RPS6KC1: variants seen among roughly 807,000 people sequenced by gnomAD.
RPS6KC1 encodes inactive ribosomal protein S6 kinase delta-1.
A neutral mutation model predicts 103.8 loss-of-function variants in RPS6KC1; 54 were observed. The ratio of observed to expected loss-of-function variants is 0.52; its 90% CI spans 0.42 to 0.65. The LOEUF is 0.65. Among genes scored for constraint, RPS6KC1 ranks in the 30% least tolerant of loss-of-function variants. RPS6KC1 has a pLI of 0.00. For synonymous variants in RPS6KC1, 439 were observed against 438.7 expected (o/e 1.00, Z -0.01); for missense variants, 1,151 against 1,253.8 (o/e 0.92, Z 1.24).
the RPS6KC1 span, among the ~76,000 whole-genome samples, chr1:213,603,851 C>A: frequency 4.0e-5 from 6 of 151,638 alleles, no homozygotes; most frequent in Non-Finnish European, 8.8e-5. Context: ...CAGAGGGAGA[C>A]TCTGTCTCAA....
intron 6 of RPS6KC1, among the ~76,000 whole-genome samples, chr1:213,139,125 A>G (rs1258047567): frequency 6.6e-6 from 1 of 151,440 alleles, no homozygotes; most frequent in Admixed American, 6.8e-5. Flanking sequence ...GCATGTTTTC[A>G]TATGTTTGTT....
At chr1:213,732,935 A>T in the RPS6KC1 span, among the ~76,000 whole-genome samples, 1 of 152,172 alleles carries the variant, frequency 6.6e-6, no homozygotes, top group Non-Finnish European at 1.5e-5. Flanking sequence ...TTCAGTTGAC[A>T]TATGCCCTTC....
chr1:213,482,810 G>C, the RPS6KC1 span, among the ~76,000 whole-genome samples: 1 of 151,998 alleles, frequency 6.6e-6, no homozygotes, highest in East Asian at 1.9e-4. Flanking sequence ...GCCTCCCAAA[G>C]TGACCTTTGT....
the RPS6KC1 span, among the ~76,000 whole-genome samples, chr1:213,406,796 G>T: frequency 6.6e-6 from 1 of 152,200 alleles, no homozygotes; most frequent in Non-Finnish European, 1.5e-5. Flanking sequence ...TACTGATGGA[G>T]TCCTTGCTAT....
chr1:213,393,081 T>G, the RPS6KC1 span, among the ~76,000 whole-genome samples: 1 of 152,236 alleles, frequency 6.6e-6, no homozygotes, highest in African/African-American at 2.4e-5. Context: ...AAATAAAACA[T>G]TTTTGCTGAA....
At chr1:213,306,672 C>T in the RPS6KC1 span, among the ~76,000 whole-genome samples, 1 of 152,214 alleles carries the variant, frequency 6.6e-6, no homozygotes, top group Admixed American at 6.5e-5. Flanking sequence ...CATGCCACCT[C>T]TACTTGATTG....
chr1:213,769,855 G>A, the RPS6KC1 span, among the ~76,000 whole-genome samples: 36 of 152,214 alleles, frequency 2.4e-4, no homozygotes, highest in African/African-American at 5.3e-4. Context: ...TAAAATAGTC[G>A]TGCCAGCTGA....
chr1:213,606,926 A>T, the RPS6KC1 span, among the ~76,000 whole-genome samples: 2 of 152,234 alleles, frequency 1.3e-5, no homozygotes, highest in African/African-American at 4.8e-5. Context: ...TTTAAAACTC[A>T]GTAAGCAACA....
intron 10 of RPS6KC1, among the ~76,000 whole-genome samples, chr1:213,238,102 T>C (rs574417801): frequency 6.6e-6 from 1 of 152,252 alleles, no homozygotes; most frequent in East Asian, 1.9e-4. Flanking sequence ...ATTAAGACTT[T>C]ACAGTCTCAT....
At chr1:213,202,297 A>G (rs571296272) in intron 8 of RPS6KC1, among the ~76,000 whole-genome samples, 1 of 152,156 alleles carries the variant, frequency 6.6e-6, no homozygotes, top group African/African-American at 2.4e-5. Flanking sequence ...TGAATTTACA[A>G]TATGAATAAT....
At chr1:213,124,941 C>G (rs1194446931) in intron 5 of RPS6KC1, among the ~76,000 whole-genome samples, 1 of 152,088 alleles carries the variant, frequency 6.6e-6, no homozygotes, top group East Asian at 1.9e-4. Context: ...TGCCTTTGTA[C>G]TTGTGTCTAA....
chr1:213,094,423 G>A (rs1005000038), intron 3 of RPS6KC1, among the ~76,000 whole-genome samples: 1 of 150,802 alleles, frequency 6.6e-6, no homozygotes, highest in South Asian at 2.1e-4. Flanking sequence ...GCCTCTCTTG[G>A]TTTCTTTAAT....
At chr1:213,291,691 G>A in the RPS6KC1 span, among the ~76,000 whole-genome samples, 1 of 152,210 alleles carries the variant, frequency 6.6e-6, no homozygotes, top group Non-Finnish European at 1.5e-5. Flanking sequence ...GTGGGAGTCC[G>A]AGTGAGTTGC....
At chr1:213,170,778 A>G (rs986182379) in intron 7 of RPS6KC1, among the ~76,000 whole-genome samples, 15 of 152,178 alleles carry the variant, frequency 9.9e-5, no homozygotes, top group African/African-American at 3.6e-4. Context: ...TTTCTCATGT[A>G]TAATTTAAGT....
chr1:213,416,263 A>G, the RPS6KC1 span, among the ~76,000 whole-genome samples: 1 of 152,240 alleles, frequency 6.6e-6, no homozygotes. Flanking sequence ...AGGTCACTGT[A>G]GGCACTCTGC....
the RPS6KC1 span, among the ~76,000 whole-genome samples, chr1:213,355,451 C>CGG: frequency 6.6e-6 from 1 of 151,944 alleles, no homozygotes; most frequent in Admixed American, 6.6e-5. Context: ...AGCACGGGCA[C>CGG]GGGGCAGTTG....
At chr1:213,477,700 G>A in the RPS6KC1 span, among the ~76,000 whole-genome samples, 55 of 152,192 alleles carry the variant, frequency 3.6e-4, no homozygotes, top group Non-Finnish European at 6.5e-4. Flanking sequence ...AACACTTTTC[G>A]TACTTCAGAT....
At chr1:213,856,393 A>T in the RPS6KC1 span, among the ~76,000 whole-genome samples, 1 of 151,886 alleles carries the variant, frequency 6.6e-6, no homozygotes, top group Admixed American at 6.6e-5. Flanking sequence ...TATACCACCA[A>T]ATTAGTTTCA....
the RPS6KC1 span, among the ~76,000 whole-genome samples, chr1:213,584,128 C>T: frequency 1.3e-5 from 2 of 152,146 alleles, no homozygotes; most frequent in Admixed American, 6.5e-5. Flanking sequence ...TTTCCCCTTT[C>T]GCTTGGTTCT....
Sources: allele counts gnomAD v4.1 joint callset (sites outside exome capture counted in the v4.1 genomes callset), GRCh38; gene constraint gnomAD v4.1.1; transcripts MANE v1.5; gene names NCBI Gene and HGNC (gene_info 2026-07-23, HGNC 2026-07-21).